OSBPL8: variants seen among roughly 807,000 people sequenced by gnomAD.
OSBPL8 encodes oxysterol-binding protein-related protein 8.
OSBPL8 carries 59 observed loss-of-function variants against 125.5 expected under a neutral mutation model. The observed-to-expected ratio is 0.47, with a 90% confidence interval of 0.38 to 0.58. OSBPL8 has a LOEUF of 0.58. Among genes scored for constraint, OSBPL8 ranks in the 20% least tolerant of loss-of-function variants. OSBPL8 has a pLI of 0.00. For missense variants in OSBPL8, 758 were observed against 1,047.8 expected, an observed-to-expected ratio of 0.72 and a Z score of 3.82; for synonymous variants, 330 against 338.9, an observed-to-expected ratio of 0.97 and a Z score of 0.29.
Position 76,410,621 on chromosome 12 carries a change from C to T in OSBPL8, c.231G>A (p.Gly77=). ...CTTTATTTTGAGAAATATCTTCCTT[C>T]CCTCTTTCAAAACCTTAAAAAAATA... The part of the protein sequence containing the change: ...ASPHSQGFER[G]KEDISQNKDE... The change falls in exon 5 of 24, where the codon GGG becomes GGA. Residue 77 remains glycine (G), a synonymous_variant. Coordinates refer to ENST00000261183, the MANE Select transcript of OSBPL8 (RefSeq NM_020841.5). The T allele has an allele frequency of 6.2e-7, 1 of 1,605,586 alleles. No individual in the cohort carries two copies. The highest frequency in any genetic ancestry group is 8.5e-7 in the Non-Finnish European group (1 of 1,173,376).
rs1460288163 is a variant in OSBPL8, at chr12:76,390,438, G to A, written c.1149C>T (p.Ser383=). 1 of 1,612,148 alleles carries A rather than the reference G, an allele frequency of 6.2e-7. No homozygotes were observed. Among genetic ancestry groups the A allele is most frequent in the Non-Finnish European group, 8.5e-7 (1 of 1,178,674 alleles). The part of the protein sequence containing the change: ...PLKETTYTEQ[S]HEELGEAGEA... Reference sequence around the variant, plus strand: ...CTTTTACCTCTCCAAGTTCTTCATGGCTCTGTTCAGTGTAGGTAGTCTCCT... The same window carrying A: ...CTTTTACCTCTCCAAGTTCTTCATGACTCTGTTCAGTGTAGGTAGTCTCCT... Residue 383 remains serine, a synonymous_variant, in exon 11 of 24, where the codon AGC becomes AGT. Transcript: ENST00000261183.
At chr12:76,494,314 G>A (rs867938451) in intron 1 of OSBPL8, among the ~76,000 whole-genome samples, 2 of 152,226 alleles carry the variant, frequency 1.3e-5, no homozygotes, top group Middle Eastern at 3.4e-3. Context: ...CTACCCTATG[G>A]CTACATTCTA....
chr12:76,510,886 A>C (rs1296998655), intron 1 of OSBPL8, among the ~76,000 whole-genome samples: 1 of 143,502 alleles, frequency 7.0e-6, no homozygotes, highest in Non-Finnish European at 1.6e-5. Flanking sequence ...CATCTCAAAA[A>C]AAAAAAAAAA....
chr12:76,490,314 A>T (rs1413740731), intron 1 of OSBPL8, among the ~76,000 whole-genome samples: 2 of 152,190 alleles, frequency 1.3e-5, no homozygotes, highest in African/African-American at 2.4e-5. Flanking sequence ...AAGAACTTAT[A>T]TCCCTGTTTT....
intron 1 of OSBPL8, among the ~76,000 whole-genome samples, chr12:76,540,720 A>C (rs1374598478): frequency 6.6e-6 from 1 of 151,954 alleles, no homozygotes; most frequent in Non-Finnish European, 1.5e-5. Flanking sequence ...AACACATTTC[A>C]AGCAGAAAAT....
intron 4 of OSBPL8, among the ~76,000 whole-genome samples, chr12:76,412,435 AAAT>A (rs1200531614): frequency 6.6e-6 from 1 of 150,960 alleles, no homozygotes; most frequent in Non-Finnish European, 1.5e-5. Context: ...ACCTCAATAA[AAAT>A]AATTTTAAAA....
rs1323201119 is a variant in OSBPL8 at position 76,369,800 on chromosome 12, C to A, written c.2077G>T (p.Ala693Ser). ...SEKLWQRVTRAINAKDQTEAT... is the reference protein window; with the variant it reads ...SEKLWQRVTRSINAKDQTEAT... ...TCAGTTTGGTCTTTGGCATTTATGG[C>A]TCGAGTTACCCGTTGCCAGAGTCTA... The change falls in exon 20 of 24, where the codon GCC becomes TCC. Residue 693 changes from alanine to serine, a missense_variant. Coordinates refer to ENST00000261183, the MANE Select transcript of OSBPL8 (RefSeq NM_020841.5). 5.6e-6 allele frequency: 9 copies of A among 1,613,114 alleles called. No homozygotes were observed. The African/African-American group carries it at 1.2e-4, about 22-fold the overall frequency.
chr12:76,458,348 T>C (rs1874312064), intron 3 of OSBPL8, among the ~76,000 whole-genome samples: 1 of 151,942 alleles, frequency 6.6e-6, no homozygotes. Flanking sequence ...CTAATGATGA[T>C]TGTATAATAA....
chr12:76,402,907 C>CTATA, intron 5 of OSBPL8, 141 bp from the exon 6 acceptor site: 1 of 636,194 alleles, frequency 1.6e-6, no homozygotes, highest in Non-Finnish European at 2.7e-6. Flanking sequence ...AGAATTTTCC[C>CTATA]TATATGTCTT....
At chr12:76,513,882 C>G (rs185702851) in intron 1 of OSBPL8, among the ~76,000 whole-genome samples, 1 of 150,512 alleles carries the variant, frequency 6.6e-6, no homozygotes, top group African/African-American at 2.4e-5. Context: ...GCTTTTTTAT[C>G]CAGTTTGTTG....
chr12:76,470,165 A>C (rs567599441), intron 2 of OSBPL8, among the ~76,000 whole-genome samples: 74 of 152,338 alleles, frequency 4.9e-4, no homozygotes, highest in African/African-American at 1.7e-3. Context: ...AGAAGCTCAA[A>C]ATTAACCAAT....
At chr12:76,470,410 T>C (rs954884325) in intron 2 of OSBPL8, among the ~76,000 whole-genome samples, 34 of 152,216 alleles carry the variant, frequency 2.2e-4, no homozygotes, top group Non-Finnish European at 4.4e-5. Context: ...CCAGGTGATA[T>C]GAGAACTGGT....
At chr12:76,443,845 G>A (rs1295322474) in intron 4 of OSBPL8, among the ~76,000 whole-genome samples, 1 of 152,020 alleles carries the variant, frequency 6.6e-6, no homozygotes, top group Non-Finnish European at 1.5e-5. Flanking sequence ...ATTGAAATAT[G>A]TTCGGCTCAA....
At chr12:76,408,213 G>C (rs1487089034) in intron 5 of OSBPL8, among the ~76,000 whole-genome samples, 1 of 149,192 alleles carries the variant, frequency 6.7e-6, no homozygotes, top group Admixed American at 6.7e-5. Context: ...TGTAATCCCA[G>C]CATTCTGGGA....
At chr12:76,429,303 T>A (rs1407049773) in intron 4 of OSBPL8, among the ~76,000 whole-genome samples, 1 of 115,706 alleles carries the variant, frequency 8.6e-6, no homozygotes, top group African/African-American at 3.0e-5. Flanking sequence ...ATTAAAATCA[T>A]CCAATAAAAA....
intron 4 of OSBPL8, among the ~76,000 whole-genome samples, chr12:76,437,182 A>C (rs879118388): frequency 1.3e-5 from 2 of 152,188 alleles, no homozygotes; most frequent in Admixed American, 1.3e-4. Context: ...AAAGGATTAG[A>C]GTTTATCTTT....
chr12:76,373,565 A>C, intron 17 of OSBPL8, 132 bp from the exon 18 acceptor site: 1 of 489,228 alleles, frequency 2.0e-6, no homozygotes, highest in Non-Finnish European at 3.5e-6. Flanking sequence ...CAGTAAAAAA[A>C]TACTGACTCA....
At chr12:76,388,084 G>A (rs536435819) in intron 12 of OSBPL8, among the ~76,000 whole-genome samples, 2 of 152,234 alleles carry the variant, frequency 1.3e-5, no homozygotes, top group African/African-American at 4.8e-5. Flanking sequence ...CAATTCTGGA[G>A]GTCCCTACAG....
At chr12:76,356,069 T>C in intron 23 of OSBPL8, 48 bp from the exon 24 acceptor site, 3 of 1,544,322 alleles carry the variant, frequency 1.9e-6, no homozygotes, top group Non-Finnish European at 2.6e-6. Context: ...GCCAGAAATG[T>C]TGGCATAGAG....
Sources: allele counts gnomAD v4.1 joint callset (sites outside exome capture counted in the v4.1 genomes callset), GRCh38; gene constraint gnomAD v4.1.1; transcripts MANE v1.5; gene names NCBI Gene and HGNC (gene_info 2026-07-23, HGNC 2026-07-21).